Variants in ZNF577 observed in about 807,000 individuals in gnomAD.
ZNF577 encodes zinc finger protein 577.
In ZNF577, 14 loss-of-function variants were observed where a neutral mutation model predicts 13.9. The observed-to-expected ratio is 1.00, with a 90% CI of 0.66 to 1.57. The LOEUF is 1.57. Among genes scored for constraint, ZNF577 ranks in the 40% most tolerant of loss-of-function variants. The pLI is 0.00. For missense variants in ZNF577, 555 were observed against 579.2 expected (o/e 0.96, Z 0.43); for synonymous variants, 203 against 202.9 (o/e 1.00, Z 0.00).
At chr19:51,832,823 G>A (rs551443652) in intron 9 of ZNF577, among the ~76,000 whole-genome samples, 12 of 122,672 alleles carry the variant, frequency 9.8e-5, no homozygotes, top group East Asian at 7.5e-4. Flanking sequence ...AATTTTTTAC[G>A]TATGTCAAAA....
chr19:51,875,921 A>T (rs2084754526), intron 5 of ZNF577, among the ~76,000 whole-genome samples: 1 of 152,256 alleles, frequency 6.6e-6, no homozygotes, highest in African/African-American at 2.4e-5. Flanking sequence ...GGAGCAGCTG[A>T]GACATTCAGA....
chr19:51,809,326 G>T (rs1366266985), intron 10 of ZNF577, among the ~76,000 whole-genome samples: 1 of 152,172 alleles, frequency 6.6e-6, no homozygotes, highest in Non-Finnish European at 1.5e-5. Context: ...GAAGTTAATT[G>T]CAAGGGCCAG....
At chr19:51,833,008 T>C (rs905607950) in intron 9 of ZNF577, among the ~76,000 whole-genome samples, 2 of 152,236 alleles carry the variant, frequency 1.3e-5, no homozygotes, top group African/African-American at 2.4e-5. Context: ...TGCCTTTCGA[T>C]ATAAATTTTT....
At chr19:51,853,746 T>C (rs952934204) in intron 5 of ZNF577, among the ~76,000 whole-genome samples, 6 of 152,208 alleles carry the variant, frequency 3.9e-5, no homozygotes, top group Non-Finnish European at 7.4e-5. Context: ...GTTTCTCTTT[T>C]TCAGCTTGCT....
downstream of ZNF577, among the ~76,000 whole-genome samples, chr19:51,864,380 TGCCCCTGACTCCC>T (rs1332122119): frequency 5.3e-5 from 8 of 152,064 alleles, no homozygotes; most frequent in African/African-American, 1.2e-4. Context: ...CACTGACTCC[TGCCCCTGACTCCC>T]GCCCCTGACT....
intron 6 of ZNF577, among the ~76,000 whole-genome samples, chr19:51,844,325 G>T (rs938214140): frequency 2.0e-5 from 3 of 151,976 alleles, no homozygotes; most frequent in Admixed American, 2.0e-4. Flanking sequence ...ACTGTTCACT[G>T]GGTCCATATG....
intron 9 of ZNF577, among the ~76,000 whole-genome samples, chr19:51,823,521 C>A (rs1180118981): frequency 6.6e-6 from 1 of 152,090 alleles, no homozygotes. Flanking sequence ...TGGTAATCAG[C>A]TTGATAGGTG....
At chr19:51,811,731 GGAA>G (rs1310184122) in intron 9 of ZNF577, 8 of 152,252 alleles carry the variant, frequency 5.3e-5, no homozygotes, top group Non-Finnish European at 1.2e-4. Context: ...GAGTATCTCT[GGAA>G]GAAGGAGTTA....
At chr19:51,831,577 T>C (rs1279081388) in intron 9 of ZNF577, among the ~76,000 whole-genome samples, 1 of 152,210 alleles carries the variant, frequency 6.6e-6, no homozygotes, top group Admixed American at 6.5e-5. Context: ...CATTCACTCT[T>C]GCTCTACAGC....
chr19:51,837,322 A>C (rs2084293360), intron 9 of ZNF577, among the ~76,000 whole-genome samples: 1 of 152,184 alleles, frequency 6.6e-6, no homozygotes, highest in Admixed American at 6.5e-5. Flanking sequence ...TGATTGGTTG[A>C]TACAGCTGAG....
At chr19:51,886,665 G>C (rs917346328) in intron 1 of ZNF577, among the ~76,000 whole-genome samples, 156 bp downstream of exon 1, 6 of 152,132 alleles carry the variant, frequency 3.9e-5, no homozygotes, top group African/African-American at 1.4e-4. Context: ...ATAAATCACA[G>C]TAATTATTTA....
At chr19:51,808,644 T>C (rs550414132) in intron 10 of ZNF577, among the ~76,000 whole-genome samples, 2 of 152,144 alleles carry the variant, frequency 1.3e-5, no homozygotes, top group Non-Finnish European at 2.9e-5. Context: ...ATCCTTCTCG[T>C]GTAAGGGTGT....
chr19:51,873,687 T>C lies in ZNF577; in HGVS notation c.303A>G (p.Arg101=), dbSNP rs1168688990. 2 of 1,611,064 alleles carry C rather than the reference T, an allele frequency of 1.2e-6. No individual in the cohort carries two copies. Among genetic ancestry groups the C allele is most frequent in the Admixed American group, 3.3e-5 (2 of 59,746 alleles). The part of the protein sequence containing the change: ...QICPGFVIQS[R]RYAGKDSDAF... The stretch of plus-strand genomic sequence containing the variant: ...CATCAGAATCTTTTCCTGCATATCT[T>C]CTACTCTGGATTACAAAACCTAAAT... Residue 101 remains arginine, a synonymous_variant, in exon 6 of 6, where the codon AGA becomes AGG. Transcript: ENST00000638348.
At position 51,824,655 on chromosome 19, in the gene ZNF577, G is replaced by T. The variant is rs374026779; in HGVS notation, c.*600-12981C>A. ...CAGCTGCCTCAACCCAATTCTCTAC[G>T]TCTTTATGGGTCGTAACTTCCAAGA... On this transcript the variant is annotated intron_variant and NMD_transcript_variant, in intron 9 of 10. Transcript: ENST00000638827. The surrounding 1 kb of genome is among the most constrained non-coding windows in gnomAD (Gnocchi z 4.7). 6.2e-7 allele frequency: 1 copy of T among 1,613,994 alleles called. No individual in the cohort carries two copies. Among genetic ancestry groups the T allele is most frequent in the Non-Finnish European group, 8.5e-7 (1 of 1,180,006 alleles).
At chr19:51,804,935 T>C (rs1015542292) in exon 11 of ZNF577, 9 of 152,290 alleles carry the variant, frequency 5.9e-5, no homozygotes, top group Non-Finnish European at 1.2e-4. Context: ...AAGAGGTCAG[T>C]TGGTTGGTCC....
chr19:51,859,471 A>G (rs1257085631), intron 5 of ZNF577, among the ~76,000 whole-genome samples: 1 of 152,154 alleles, frequency 6.6e-6, no homozygotes, highest in Non-Finnish European at 1.5e-5. Context: ...TGTGACACAA[A>G]CTTGAAATAT....
At chr19:51,875,350 CA>C (rs2084740819) in intron 5 of ZNF577, among the ~76,000 whole-genome samples, 2 of 62,204 alleles carry the variant, frequency 3.2e-5, no homozygotes, top group Non-Finnish European at 6.1e-5. Flanking sequence ...GCAACAAAAG[CA>C]AAACTCTGTC....
chr19:51,823,839 C>T (rs1273590190), intron 9 of ZNF577: 2 of 1,613,930 alleles, frequency 1.2e-6, no homozygotes, highest in Non-Finnish European at 1.7e-6. Flanking sequence ...CTTCTCATTG[C>T]TAGTCCACGG....
chr19:51,836,283 T>A (rs867249212), intron 9 of ZNF577, among the ~76,000 whole-genome samples: 1 of 152,356 alleles, frequency 6.6e-6, no homozygotes, highest in Middle Eastern at 3.4e-3. Context: ...TAAGGTTTTT[T>A]TGCCTTTATT....
Sources: gnomAD v4.1 joint callset for allele counts (sites outside exome capture counted in the v4.1 genomes callset) on GRCh38, gnomAD v4.1.1 for gene constraint, Gnocchi (gnomAD v3.1) non-coding constraint, MANE v1.5 for transcripts, NCBI Gene and HGNC (gene_info 2026-07-23, HGNC 2026-07-21) for gene names.